The following C10orf90 variants were observed in gnomAD, a reference collection of about 807,000 sequenced individuals.
The protein encoded by C10orf90 is chromosome 10 open reading frame 90.
A neutral mutation model predicts 62.5 loss-of-function variants in C10orf90; 56 were observed. The observed-to-expected ratio is 0.90, with a 90% confidence interval of 0.72 to 1.12. The LOEUF is 1.12. Among genes scored for constraint, C10orf90 ranks in the 50% most tolerant of loss-of-function variants. The pLI, the probability that C10orf90 is intolerant of heterozygous loss-of-function variation, is 0.00. For missense variants in C10orf90, 970 were observed against 880.4 expected (o/e 1.10, Z -1.29); for synonymous variants, 386 against 340.4 (o/e 1.13, Z -1.47).
At chr10:126,432,242 A>G (rs571138183) in intron 7 of C10orf90, among the ~76,000 whole-genome samples, 272 of 152,302 alleles carry the variant, frequency 1.8e-3, no homozygotes, top group African/African-American at 6.1e-3. Context: ...AGCTTTGGGC[A>G]CTTTGAGAGA....
intron 4 of C10orf90, among the ~76,000 whole-genome samples, chr10:126,484,378 C>G (rs1054452160): frequency 2.0e-5 from 3 of 152,086 alleles, no homozygotes; most frequent in African/African-American, 7.2e-5. Flanking sequence ...CCACTGTGGT[C>G]CCTAATGATG....
rs181055122 is a variant in C10orf90 at position 126,579,465 on chromosome 10, T to A, written c.314-65526A>T. 2.0e-5 allele frequency among the ~76,000 whole-genome samples: 3 copies of A among 152,134 alleles called. No homozygotes were observed. In the East Asian group the frequency reaches 5.8e-4, roughly 30 times the overall value. ...CACATTGGCCAGGCTGGTCTCGAAC[T>A]CCTGAACTCAAGCGATCCACCCACC... On this transcript the variant is annotated intron_variant, in intron 2 of 9. Coordinates refer to ENST00000488181, the MANE Select transcript of C10orf90 (RefSeq NM_001350921.2).
chr10:126,477,790 A>G (rs79754703), intron 4 of C10orf90, among the ~76,000 whole-genome samples: 1,602 of 152,312 alleles, frequency 0.011, 15 homozygotes, highest in African/African-American at 0.036. Flanking sequence ...CAGCTCTGCC[A>G]TACATACAAT....
At chr10:126,429,741 T>C (rs2133982139) in intron 8 of C10orf90, 46 bp downstream of exon 8, 1 of 1,562,828 alleles carries the variant, frequency 6.4e-7, no homozygotes, top group Non-Finnish European at 8.8e-7. Flanking sequence ...CAAACCACCC[T>C]ACTCCCCCCA....
chr10:126,627,000 C>CTTTTTTTTTTTTTTTTTTTTTTT (rs61226052), intron 2 of C10orf90, among the ~76,000 whole-genome samples: 1 of 119,496 alleles, frequency 8.4e-6, no homozygotes, highest in Non-Finnish European at 1.7e-5. Flanking sequence ...TTTTTCTTTT[C>CTTTTTTTTTTTTTTTTTTTTTTT]TTTTTTTTTT....
chr10:126,582,188 G>A lies in C10orf90; in HGVS notation c.313+64377C>T, dbSNP rs576154574. On this transcript the variant is annotated intron_variant, in intron 2 of 9. Coordinates refer to ENST00000488181, the MANE Select transcript of C10orf90 (RefSeq NM_001350921.2). ...TTAATAAGTCCCCCAAACTAACAGC[G>A]AGGGACTTTGTGGTATGTAACAAAG... 2.0e-5 allele frequency among the ~76,000 whole-genome samples: 3 copies of A among 152,308 alleles called. No individual in the cohort carries two copies. The South Asian group carries it at 6.2e-4, about 32-fold the overall frequency.
At chr10:126,614,868 A>C (rs926887360) in intron 2 of C10orf90, among the ~76,000 whole-genome samples, 1 of 152,210 alleles carries the variant, frequency 6.6e-6, no homozygotes, top group Middle Eastern at 3.2e-3. Context: ...CTATGCCGCT[A>C]TTGGGTTCAG....
intron 2 of C10orf90, among the ~76,000 whole-genome samples, chr10:126,563,961 C>T (rs1591101244): frequency 6.6e-6 from 1 of 152,298 alleles, no homozygotes; most frequent in East Asian, 1.9e-4. Flanking sequence ...AGAGCAGTCT[C>T]TGCATGAGGG....
At chr10:126,654,291 A>C (rs1846349289) in intron 1 of C10orf90, among the ~76,000 whole-genome samples, 1 of 152,198 alleles carries the variant, frequency 6.6e-6, no homozygotes, top group Non-Finnish European at 1.5e-5. Flanking sequence ...TCCATTGAAA[A>C]TCTGTTGTTT....
rs150907047 is a variant in C10orf90, at chr10:126,653,878, A to G, written c.241-7241T>C. ...CTGCAAAATGGATGTTGTGTTAGGC[A>G]TGAAAACAACACTAATCTTCTTGTA... is the stretch of plus-strand genomic sequence containing the variant. On this transcript the variant is annotated intron_variant, in intron 1 of 9. Coordinates refer to ENST00000488181, the MANE Select transcript of C10orf90 (RefSeq NM_001350921.2). Among the ~76,000 whole-genome samples the G allele has an allele frequency of 8.5e-4, 129 of 152,368 alleles. 2 individuals carry two copies. The East Asian group carries it at 0.019, about 23-fold the overall frequency.
At chr10:126,431,862 G>A (rs1857591970) in intron 7 of C10orf90, among the ~76,000 whole-genome samples, 1 of 151,984 alleles carries the variant, frequency 6.6e-6, no homozygotes. Context: ...ATTCCCAAGA[G>A]GAAACAACAG....
At chr10:126,642,454 C>T (rs1846083480) in intron 2 of C10orf90, among the ~76,000 whole-genome samples, 1 of 152,086 alleles carries the variant, frequency 6.6e-6, no homozygotes, top group Non-Finnish European at 1.5e-5. Context: ...ATGGCATGAA[C>T]CCGGGAGGCA....
At chr10:126,439,413 C>G (rs890335221) in intron 7 of C10orf90, among the ~76,000 whole-genome samples, 1 of 152,124 alleles carries the variant, frequency 6.6e-6, no homozygotes, top group African/African-American at 2.4e-5. Context: ...AGAAAAACAA[C>G]AAGAAGGAAG....
intron 4 of C10orf90, among the ~76,000 whole-genome samples, chr10:126,475,140 C>A (rs192020355): frequency 3.0e-4 from 45 of 152,246 alleles, no homozygotes; most frequent in Admixed American, 2.2e-3. Flanking sequence ...GCTGAGAGAG[C>A]CCTGGAGAGT....
At chr10:126,454,860 C>T (rs1859440650) in intron 7 of C10orf90, among the ~76,000 whole-genome samples, 1 of 152,090 alleles carries the variant, frequency 6.6e-6, no homozygotes, top group Admixed American at 6.5e-5. Flanking sequence ...CTTATCACTC[C>T]CAGGCAACTC....
At chr10:126,582,259 C>A (rs1475621932) in intron 2 of C10orf90, among the ~76,000 whole-genome samples, 1 of 152,190 alleles carries the variant, frequency 6.6e-6, no homozygotes, top group African/African-American at 2.4e-5. Flanking sequence ...GTGCTAAGGG[C>A]ACCTTTAAAG....
intron 2 of C10orf90, among the ~76,000 whole-genome samples, chr10:126,632,691 T>C (rs1845873743): frequency 6.6e-6 from 1 of 152,124 alleles, no homozygotes; most frequent in Non-Finnish European, 1.5e-5. Context: ...AATGAACTTT[T>C]AGATCTTTCC....
chr10:126,432,202 T>C (rs1428417238), intron 7 of C10orf90, among the ~76,000 whole-genome samples: 1 of 152,192 alleles, frequency 6.6e-6, no homozygotes, highest in Non-Finnish European at 1.5e-5. Context: ...CCAACCTCAC[T>C]TGAGTGAGAG....
intron 2 of C10orf90, among the ~76,000 whole-genome samples, chr10:126,523,315 C>T (rs1416571472): frequency 2.0e-5 from 3 of 152,122 alleles, no homozygotes; most frequent in Non-Finnish European, 4.4e-5. Context: ...CAATAATGCA[C>T]GTGAAAGCAC....
Sources: allele counts gnomAD v4.1 joint callset (sites outside exome capture counted in the v4.1 genomes callset), GRCh38; gene constraint gnomAD v4.1.1; transcripts MANE v1.5; gene names NCBI Gene and HGNC (gene_info 2026-07-23, HGNC 2026-07-21).